The following HMGCLL1 variants were observed in gnomAD, a reference collection of about 807,000 sequenced individuals.
HMGCLL1 encodes 3-hydroxymethyl-3-methylglutaryl-CoA lyase, cytoplasmic.
HMGCLL1 carries 36 observed loss-of-function variants against 39.1 expected under a neutral mutation model. That is an observed-to-expected ratio of 0.92 (90% CI 0.71 to 1.22). The LOEUF (loss-of-function observed/expected upper bound fraction) is 1.22. HMGCLL1 is among the 50% of genes most tolerant of loss of function. The pLI, the probability that HMGCLL1 is intolerant of heterozygous loss-of-function variation, is 0.00. For missense variants in HMGCLL1, 451 were observed against 416.5 expected, an observed-to-expected ratio of 1.08 and a Z score of -0.72; for synonymous variants, 149 against 144.0, an observed-to-expected ratio of 1.03 and a Z score of -0.25.
At chr6:55,615,033 A>G in the HMGCLL1 span, among the ~76,000 whole-genome samples, 1 of 152,132 alleles carries the variant, frequency 6.6e-6, no homozygotes, top group African/African-American at 2.4e-5. Context: ...TAATTTATAA[A>G]TAGAAATAGT....
chr6:55,651,514 G>C, the HMGCLL1 span, among the ~76,000 whole-genome samples: 2 of 152,096 alleles, frequency 1.3e-5, no homozygotes, highest in Non-Finnish European at 2.9e-5. Flanking sequence ...GAAGGAAGGA[G>C]CAACTTTCCT....
At chr6:55,458,275 T>C (rs1764411604) in intron 7 of HMGCLL1, among the ~76,000 whole-genome samples, 1 of 152,140 alleles carries the variant, frequency 6.6e-6, no homozygotes, top group Non-Finnish European at 1.5e-5. Context: ...TATACAGTAG[T>C]AGAAAATAAA....
At chr6:55,441,181 G>A (rs1342538294) in intron 7 of HMGCLL1, among the ~76,000 whole-genome samples, 1 of 152,028 alleles carries the variant, frequency 6.6e-6, no homozygotes, top group Non-Finnish European at 1.5e-5. Context: ...ATTACTAGGA[G>A]AAAACATCAG....
the HMGCLL1 span, among the ~76,000 whole-genome samples, chr6:55,664,345 T>C: frequency 4.7e-4 from 72 of 151,878 alleles, no homozygotes; most frequent in African/African-American, 1.7e-3. Flanking sequence ...GCAAGATCAC[T>C]TGTAAGGCAG....
chr6:55,602,287 C>T, the HMGCLL1 span, among the ~76,000 whole-genome samples: 1 of 151,912 alleles, frequency 6.6e-6, no homozygotes, highest in South Asian at 2.1e-4. Context: ...TACACTCCCA[C>T]AAAAAATGAA....
At chr6:55,594,891 C>A in the HMGCLL1 span, among the ~76,000 whole-genome samples, 1 of 152,274 alleles carries the variant, frequency 6.6e-6, no homozygotes, top group Non-Finnish European at 1.5e-5. Flanking sequence ...GGAGGCTGAG[C>A]AGTCCTGCTA....
At chr6:55,597,962 G>T in the HMGCLL1 span, among the ~76,000 whole-genome samples, 1 of 152,052 alleles carries the variant, frequency 6.6e-6, no homozygotes. Context: ...CATTGTAGAA[G>T]GATTAGACTG....
the HMGCLL1 span, among the ~76,000 whole-genome samples, chr6:55,621,218 T>C: frequency 6.6e-6 from 1 of 152,192 alleles, no homozygotes. Flanking sequence ...TTGGGTATTA[T>C]GGACATTTTA....
At position 55,451,731 on chromosome 6, in the gene HMGCLL1, C is replaced by T. The variant is rs568273839; in HGVS notation, c.796-12172G>A. 1.3e-4 allele frequency among the ~76,000 whole-genome samples: 20 copies of T among 151,942 alleles called. No homozygotes were observed. In the South Asian group the frequency reaches 3.7e-3, roughly 28 times the overall value. ...AGGTAGATGTTAGTGGGAGACATAC[C>T]TAATGTTGTGAAAATACAACTAAAT... On this transcript the variant is annotated intron_variant, in intron 7 of 8. Coordinates refer to ENST00000274901, the MANE Select transcript of HMGCLL1 (RefSeq NM_001042406.2).
At chr6:55,661,308 T>C in the HMGCLL1 span, among the ~76,000 whole-genome samples, 1 of 151,772 alleles carries the variant, frequency 6.6e-6, no homozygotes, top group Non-Finnish European at 1.5e-5. Context: ...TTTCCAGAAG[T>C]CTGTTGCCTA....
chr6:55,626,673 G>C, the HMGCLL1 span, among the ~76,000 whole-genome samples: 1 of 151,970 alleles, frequency 6.6e-6, no homozygotes, highest in African/African-American at 2.4e-5. Flanking sequence ...TCCTGTTCCT[G>C]CGACATTATG....
chr6:55,662,660 G>T, the HMGCLL1 span, among the ~76,000 whole-genome samples: 2 of 151,806 alleles, frequency 1.3e-5, no homozygotes, highest in South Asian at 4.2e-4. Flanking sequence ...TTGTGTCACT[G>T]CCAGGTTTTG....
At chr6:55,644,630 T>G in the HMGCLL1 span, among the ~76,000 whole-genome samples, 1 of 152,088 alleles carries the variant, frequency 6.6e-6, no homozygotes, top group Non-Finnish European at 1.5e-5. Flanking sequence ...ATCCAGTTTT[T>G]CCATCATTGT....
intron 5 of HMGCLL1, among the ~76,000 whole-genome samples, chr6:55,500,170 G>T (rs1029257890): frequency 6.6e-6 from 1 of 151,926 alleles, no homozygotes; most frequent in Non-Finnish European, 1.5e-5. Context: ...CGAATATGGG[G>T]GTCACAATAT....
the HMGCLL1 span, among the ~76,000 whole-genome samples, chr6:55,618,634 T>C: frequency 7.9e-5 from 12 of 151,910 alleles, no homozygotes; most frequent in African/African-American, 2.7e-4. Context: ...ACAAAGACAA[T>C]ATCTTAAGAG....
intron 7 of HMGCLL1, among the ~76,000 whole-genome samples, chr6:55,450,470 A>G (rs921992654): frequency 1.3e-5 from 2 of 152,240 alleles, no homozygotes; most frequent in African/African-American, 4.8e-5. Context: ...GTATAATAGT[A>G]CCAATTAACA....
rs148383538 is a variant in HMGCLL1 at position 55,538,826 on chromosome 6, AT to A, written c.297+2902del. On this transcript the variant is annotated intron_variant, in intron 3 of 8. Transcript: ENST00000274901. ...AGGTAGTGGCTAATCAAAACAAAATATATACACATACACACACACACACACA... is the reference window on the plus strand; with the variant it reads ...AGGTAGTGGCTAATCAAAACAAAATAATACACATACACACACACACACACA... 5.8e-3 allele frequency among the ~76,000 whole-genome samples: 871 copies of A among 151,430 alleles called. 11 individuals carry two copies. Among genetic ancestry groups the A allele is most frequent in the African/African-American group, 0.02 (826 of 41,118 alleles).
intron 5 of HMGCLL1, among the ~76,000 whole-genome samples, chr6:55,504,612 C>A (rs892281628): frequency 6.6e-6 from 1 of 151,426 alleles, no homozygotes; most frequent in South Asian, 2.1e-4. Flanking sequence ...ACTTATAATA[C>A]CTAATATAAT....
the HMGCLL1 span, among the ~76,000 whole-genome samples, chr6:55,617,140 A>T: frequency 6.6e-6 from 1 of 152,088 alleles, no homozygotes; most frequent in Admixed American, 6.6e-5. Flanking sequence ...TCATCCTGTC[A>T]CAAAAAAAAC....
Sources: gnomAD v4.1 joint callset for allele counts (sites outside exome capture counted in the v4.1 genomes callset) on GRCh38, gnomAD v4.1.1 for gene constraint, MANE v1.5 for transcripts, NCBI Gene and HGNC (gene_info 2026-07-23, HGNC 2026-07-21) for gene names.